The following TNS1 variants were observed in gnomAD, a reference collection of about 807,000 sequenced individuals.
TNS1 encodes the protein tensin-1.
Under a neutral mutation model 168.6 loss-of-function variants are expected in TNS1, and 62 were observed. That is an observed-to-expected ratio of 0.37 (90% CI 0.30 to 0.45). The LOEUF is 0.45. Ranked by LOEUF, TNS1 falls within the 20% of genes least tolerant of loss-of-function variation. TNS1 has a pLI of 1.00. For missense variants in TNS1, 2,240 were observed against 2,339.4 expected (o/e 0.96, Z 0.88); for synonymous variants, 934 against 933.2 (o/e 1.00, Z -0.02).
In TNS1 at chr2:217,818,712, G is replaced by A. The variant is rs1942338285; in HGVS notation, c.3620C>T (p.Pro1207Leu). 6.2e-7 allele frequency: 1 copy of A among 1,614,022 alleles called. No homozygotes were observed. The highest frequency in any genetic ancestry group is 8.5e-7 in the Non-Finnish European group (1 of 1,180,016). The change falls in exon 24 of 33, where the codon CCC becomes CTC. Residue 1207 changes from proline (P) to leucine (L), a missense_variant. This residue lies in a region of TNS1 where 2,131 missense variants were observed against 2,171.2 expected (regional missense o/e 0.98). Transcript: ENST00000682258. ...CAACAGAGGCTGGGTGGGCGTCCGG[G>A]GACCCTGGTCACTGCTCTCTCCCGA... ...FPSGESSDQGPRTPTQPLLES... is the reference protein window; with the variant it reads ...FPSGESSDQGLRTPTQPLLES...
intron 4 of TNS1, among the ~76,000 whole-genome samples, chr2:217,912,660 G>A (rs1954558837): frequency 6.6e-6 from 1 of 152,180 alleles, no homozygotes; most frequent in African/African-American, 2.4e-5. Flanking sequence ...CAAGGAGGGG[G>A]CTAAAAACAG....
chr2:217,975,983 C>T (rs1439835742), intron 3 of TNS1, among the ~76,000 whole-genome samples: 1 of 152,178 alleles, frequency 6.6e-6, no homozygotes, highest in Non-Finnish European at 1.5e-5. Flanking sequence ...ACTCACTACT[C>T]TCCAGCCCTC....
intron 1 of TNS1, among the ~76,000 whole-genome samples, chr2:218,020,254 AC>A: frequency 6.6e-6 from 1 of 151,356 alleles, no homozygotes; most frequent in Admixed American, 6.6e-5. Flanking sequence ...CAGCCACAGC[AC>A]CCCACAGGCC....
At chr2:217,966,569 G>T (rs1202414789) in intron 3 of TNS1, among the ~76,000 whole-genome samples, 1 of 152,122 alleles carries the variant, frequency 6.6e-6, no homozygotes, top group African/African-American at 2.4e-5. Context: ...CACAAGCGCT[G>T]CCAGGGACCC....
intron 4 of TNS1, among the ~76,000 whole-genome samples, chr2:217,907,506 C>T (rs376719691): frequency 8.5e-4 from 129 of 152,360 alleles, no homozygotes; most frequent in African/African-American, 2.9e-3. Context: ...CAGTGCCCGG[C>T]GCCAGGCCTC....
chr2:217,822,023 G>A, intron 22 of TNS1, 85 bp from the exon 23 acceptor site: 1 of 1,361,146 alleles, frequency 7.3e-7, no homozygotes, highest in Non-Finnish European at 9.9e-7. Flanking sequence ...CTGGAACACA[G>A]CTTCCTGGAC....
chr2:217,814,967 C>T lies in TNS1; in HGVS notation c.4674G>A (p.Lys1558=), dbSNP rs754781771. The T allele has an allele frequency of 1.2e-6, 2 of 1,613,538 alleles. No individual in the cohort carries two copies. Among genetic ancestry groups the T allele is most frequent in the African/African-American group, 2.7e-5 (2 of 74,942 alleles). ...AATACTTAGAAGTGTCCTGGACAAA[C>T]TTCACTTTAGCCCGCGTCTCCGGGC... ...DNSPETRAKV[K]FVQDTSKYWY... The change falls in exon 25 of 33, where the codon AAG becomes AAA. Residue 1558 remains lysine, a synonymous_variant. Transcript: ENST00000682258.
At chr2:218,025,731 C>A (rs1958845335) in intron 1 of TNS1, among the ~76,000 whole-genome samples, 1 of 151,864 alleles carries the variant, frequency 6.6e-6, no homozygotes, top group Non-Finnish European at 1.5e-5. Flanking sequence ...GATTGGAATG[C>A]AATGGTGCAA....
At chr2:217,850,578 G>T (rs1038682435) in intron 18 of TNS1, 1 of 947,714 alleles carries the variant, frequency 1.1e-6, no homozygotes, top group Non-Finnish European at 1.2e-6. Flanking sequence ...CACCAGCCCC[G>T]ACAGACACAC....
chr2:217,990,675 C>T (rs1456039503), intron 2 of TNS1, among the ~76,000 whole-genome samples: 4 of 152,222 alleles, frequency 2.6e-5, no homozygotes, highest in African/African-American at 7.2e-5. Flanking sequence ...TCATGCCACC[C>T]GCATGACACC....
intron 3 of TNS1, among the ~76,000 whole-genome samples, chr2:217,928,297 G>A (rs1489975340): frequency 1.3e-5 from 2 of 152,238 alleles, no homozygotes; most frequent in Non-Finnish European, 1.5e-5. Flanking sequence ...GCCCTCAGGA[G>A]GAGGGATCCT....
chr2:218,000,804 C>G (rs897311649), intron 1 of TNS1, among the ~76,000 whole-genome samples: 1 of 152,054 alleles, frequency 6.6e-6, no homozygotes. Context: ...AGGATGGGGA[C>G]TAGGAGAGGA....
At chr2:218,013,904 G>A (rs1958733293), upstream of TNS1, among the ~76,000 whole-genome samples, 2 of 152,332 alleles carry the variant, frequency 1.3e-5, no homozygotes, top group East Asian at 1.9e-4. Flanking sequence ...TGCAGACAGT[G>A]TCTTCTCTGG....
intron 22 of TNS1, among the ~76,000 whole-genome samples, chr2:217,825,537 T>C (rs551527089): frequency 6.6e-6 from 1 of 152,238 alleles, no homozygotes; most frequent in East Asian, 1.9e-4. Flanking sequence ...ACCCACACAT[T>C]AGGTAAGCAA....
chr2:217,910,713 T>TAC (rs10554233), intron 4 of TNS1, among the ~76,000 whole-genome samples: 13,042 of 106,766 alleles, frequency 0.12, 678 homozygotes, highest in Admixed American at 0.18. Context: ...CACATACACA[T>TAC]ACACACACAC....
chr2:217,998,496 C>A (rs1334607553), intron 1 of TNS1, among the ~76,000 whole-genome samples: 2 of 152,156 alleles, frequency 1.3e-5, no homozygotes, highest in Non-Finnish European at 2.9e-5. Flanking sequence ...GAGTGAGGAA[C>A]TTTCCCAGGG....
At chr2:217,904,248 C>T (rs2125778290) in intron 6 of TNS1, among the ~76,000 whole-genome samples, 1 of 152,326 alleles carries the variant, frequency 6.6e-6, no homozygotes, top group Non-Finnish European at 1.5e-5. Flanking sequence ...CCACAAACTC[C>T]ACTACACACC....
intron 3 of TNS1, among the ~76,000 whole-genome samples, chr2:217,964,727 C>T (rs1488581668): frequency 2.0e-5 from 3 of 152,194 alleles, no homozygotes; most frequent in Admixed American, 6.5e-5. Flanking sequence ...ACCTTCCTCC[C>T]CTGCTTCCTT....
At chr2:217,982,730 G>A (rs768158841) in intron 2 of TNS1, among the ~76,000 whole-genome samples, 8 of 152,082 alleles carry the variant, frequency 5.3e-5, no homozygotes, top group East Asian at 1.9e-4. Flanking sequence ...CTAAGTTTAC[G>A]GGTAATTTTT....
Sources: gnomAD v4.1 joint callset for allele counts (sites outside exome capture counted in the v4.1 genomes callset) on GRCh38, gnomAD v4.1.1 for gene constraint, gnomAD v4.1.1 regional missense constraint, MANE v1.5 for transcripts, NCBI Gene and HGNC (gene_info 2026-07-23, HGNC 2026-07-21) for gene names.